Variants in UBAC2 observed in about 807,000 individuals in gnomAD.
UBAC2 encodes UBA domain containing 2.
Under a neutral mutation model 44.0 loss-of-function variants are expected in UBAC2, and 26 were observed. The observed-to-expected ratio is 0.59, with a 90% CI of 0.43 to 0.82. The LOEUF (loss-of-function observed/expected upper bound fraction) is 0.82, where lower values mean the gene tolerates loss of function less well. Among genes scored for constraint, UBAC2 ranks in the 40% least tolerant of loss-of-function variants. The pLI is 0.00. For missense variants in UBAC2, 329 were observed against 419.4 expected (o/e 0.78, Z 1.88); for synonymous variants, 155 against 154.3 (o/e 1.00, Z -0.04).
chr13:99,350,082 G>A (rs1048322098), intron 7 of UBAC2, among the ~76,000 whole-genome samples: 22 of 152,110 alleles, frequency 1.4e-4, no homozygotes, highest in Non-Finnish European at 2.2e-4. Flanking sequence ...ATGCCCGCCG[G>A]TTATTCCTAG....
chr13:99,296,297 T>C, intron 4 of UBAC2: 1 of 571,620 alleles, frequency 1.7e-6, no homozygotes, highest in East Asian at 3.2e-5. Flanking sequence ...GTTTTAAAAT[T>C]TCATGACATG....
At chr13:99,256,432 TAGTGCACA>T (rs1463138980) in intron 4 of UBAC2, 2 of 152,232 alleles carry the variant, frequency 1.3e-5, no homozygotes, top group Non-Finnish European at 2.9e-5. Flanking sequence ...AGCTGTTTTC[TAGTGCACA>T]ATTGGGAGTA....
intron 4 of UBAC2, among the ~76,000 whole-genome samples, chr13:99,262,448 A>T (rs187777342): frequency 1.3e-5 from 2 of 152,264 alleles, no homozygotes; most frequent in Admixed American, 1.3e-4. Context: ...CATGCCTGTA[A>T]TCCCAGCACT....
intron 2 of UBAC2, among the ~76,000 whole-genome samples, chr13:99,241,194 G>A (rs2043294860): frequency 6.6e-6 from 1 of 151,398 alleles, no homozygotes; most frequent in African/African-American, 2.4e-5. Context: ...AGTCTCAGAG[G>A]GTTGAGCCTG....
intron 4 of UBAC2, among the ~76,000 whole-genome samples, chr13:99,250,304 T>C (rs1169238313): frequency 6.6e-6 from 1 of 152,222 alleles, no homozygotes; most frequent in East Asian, 1.9e-4. Context: ...TAGCACCATT[T>C]ATTGAATAAG....
intron 4 of UBAC2, among the ~76,000 whole-genome samples, chr13:99,253,805 C>T (rs1018786653): frequency 2.0e-5 from 3 of 152,200 alleles, no homozygotes; most frequent in African/African-American, 4.8e-5. Context: ...TGAGCCACCA[C>T]GCCCAGCCAG....
intron 7 of UBAC2, among the ~76,000 whole-genome samples, chr13:99,362,292 A>G (rs9517698): frequency 0.13 from 20,387 of 152,186 alleles, 1,619 homozygotes; most frequent in East Asian, 0.32. Context: ...CTTAGGAACA[A>G]CTGAATTTTT....
At chr13:99,383,313 A>G (rs1350865288) in intron 8 of UBAC2, among the ~76,000 whole-genome samples, 1 of 152,138 alleles carries the variant, frequency 6.6e-6, no homozygotes, top group East Asian at 1.9e-4. Context: ...AGGACAGTAC[A>G]TATCTCTGTT....
At chr13:99,268,171 G>A (rs1299552055) in intron 4 of UBAC2, among the ~76,000 whole-genome samples, 1 of 152,218 alleles carries the variant, frequency 6.6e-6, no homozygotes, top group African/African-American at 2.4e-5. Context: ...GCTGGGAGAT[G>A]TAATCTTACC....
chr13:99,338,745 T>C (rs987282513), intron 6 of UBAC2, among the ~76,000 whole-genome samples: 6 of 152,362 alleles, frequency 3.9e-5, no homozygotes, highest in African/African-American at 1.2e-4. Context: ...AAACTGTTCT[T>C]GTAAACACCT....
intron 1 of UBAC2, among the ~76,000 whole-genome samples, chr13:99,203,444 A>G (rs959373524): frequency 6.6e-6 from 1 of 152,244 alleles, no homozygotes; most frequent in Admixed American, 6.5e-5. Context: ...TGGGTGGTGA[A>G]TAACAGTCCC....
chr13:99,213,001 C>T (rs922293684), intron 1 of UBAC2, among the ~76,000 whole-genome samples: 7 of 152,140 alleles, frequency 4.6e-5, no homozygotes, highest in Non-Finnish European at 7.4e-5. Context: ...TTCCCACGCC[C>T]ACGTAACCAT....
intron 2 of UBAC2, among the ~76,000 whole-genome samples, chr13:99,240,086 T>C (rs1461492242): frequency 2.0e-5 from 3 of 152,158 alleles, no homozygotes; most frequent in Non-Finnish European, 4.4e-5. Context: ...CAGGCTTAGA[T>C]TGGAGAAGTC....
intron 4 of UBAC2, among the ~76,000 whole-genome samples, chr13:99,264,534 T>G (rs2043715210): frequency 6.6e-6 from 1 of 152,170 alleles, no homozygotes; most frequent in African/African-American, 2.4e-5. Context: ...ATTTTTCCTG[T>G]CTTTAGACTG....
intron 4 of UBAC2, chr13:99,294,905 T>A (rs2044144581): frequency 1.4e-6 from 1 of 709,496 alleles, no homozygotes. Flanking sequence ...GTTGTTCTCT[T>A]GGGCTTACTT....
intron 4 of UBAC2, among the ~76,000 whole-genome samples, chr13:99,283,057 A>G (rs2043974214): frequency 6.6e-6 from 1 of 152,216 alleles, no homozygotes; most frequent in Non-Finnish European, 1.5e-5. Flanking sequence ...CAGAAAGGGA[A>G]TTTATTAAAG....
intron 7 of UBAC2, among the ~76,000 whole-genome samples, chr13:99,363,612 C>T (rs1366105240): frequency 6.6e-6 from 1 of 152,230 alleles, no homozygotes; most frequent in Non-Finnish European, 1.5e-5. Context: ...AGGGCGAGCC[C>T]CTGCCTCTGA....
chr13:99,347,318 C>T lies in UBAC2; in HGVS notation c.807+6753C>T, dbSNP rs189941348. On this transcript the variant is annotated intron_variant, in intron 7 of 8. Coordinates refer to ENST00000403766, the MANE Select transcript of UBAC2 (RefSeq NM_001144072.2). ...AGATTCAGACGTTACTATCCCCGGG[C>T]GCCCCCCCCCCCCCCCAGGAAAAAA... 0.012 allele frequency among the ~76,000 whole-genome samples: 245 copies of T among 19,960 alleles called. 11 individuals carry two copies. The South Asian group carries it at 0.17, about 14-fold the overall frequency. 13.1% of individuals were successfully genotyped at this position (19,960 alleles called of 152,430 possible).
At chr13:99,245,698 GGGCGT>G (rs2043375308) in intron 4 of UBAC2, among the ~76,000 whole-genome samples, 2 of 152,196 alleles carry the variant, frequency 1.3e-5, no homozygotes, top group African/African-American at 4.8e-5. Context: ...AAAATTAGTT[GGGCGT>G]GGTGGCACGT....
Sources: gnomAD v4.1 joint callset for allele counts (sites outside exome capture counted in the v4.1 genomes callset) on GRCh38, gnomAD v4.1.1 for gene constraint, MANE v1.5 for transcripts, NCBI Gene and HGNC (gene_info 2026-07-23, HGNC 2026-07-21) for gene names.